The following MREG variants were observed in gnomAD, a reference collection of about 807,000 sequenced individuals.
MREG encodes melanoregulin, also known as dilute suppressor protein homolog.
A neutral mutation model predicts 28.5 loss-of-function variants in MREG; 31 were observed. The ratio of observed to expected loss-of-function variants is 1.09; its 90% CI spans 0.82 to 1.47. The LOEUF is 1.47. Among genes scored for constraint, MREG ranks in the 40% most tolerant of loss-of-function variants. The pLI, the probability that MREG is intolerant of heterozygous loss-of-function variation, is 0.00. For missense variants in MREG, 256 were observed against 257.4 expected, an observed-to-expected ratio of 0.99 and a Z score of 0.04; for synonymous variants, 106 against 95.2, an observed-to-expected ratio of 1.11 and a Z score of -0.66.
chr2:216,020,865 C>G (rs987115891), intron 1 of MREG, among the ~76,000 whole-genome samples: 2 of 152,190 alleles, frequency 1.3e-5, no homozygotes, highest in Admixed American at 1.3e-4. Context: ...ACGTCAGACT[C>G]CCACTGCGTC....
chr2:215,951,482 A>G (rs796657393), intron 2 of MREG, among the ~76,000 whole-genome samples: 1 of 152,242 alleles, frequency 6.6e-6, no homozygotes, highest in South Asian at 2.1e-4. Flanking sequence ...CTTATTTTCT[A>G]AAGTAATATT....
At chr2:216,016,057 A>C (rs1328982226), upstream of MREG, among the ~76,000 whole-genome samples, 1 of 152,246 alleles carries the variant, frequency 6.6e-6, no homozygotes, top group Admixed American at 6.5e-5. Context: ...AAAGGCTACG[A>C]AGGGATAAAG....
intron 1 of MREG, among the ~76,000 whole-genome samples, chr2:216,000,305 T>C (rs1297359750): frequency 6.6e-6 from 1 of 151,946 alleles, no homozygotes; most frequent in Admixed American, 6.5e-5. Flanking sequence ...GCCACTGTTA[T>C]ATAACTCAAC....
intron 2 of MREG, among the ~76,000 whole-genome samples, chr2:215,979,372 A>G (rs12612099): frequency 0.11 from 16,945 of 151,690 alleles, 1,263 homozygotes; most frequent in East Asian, 0.39. Context: ...CTGAGGCAGA[A>G]GAATCACTTG....
chr2:215,956,483 C>A (rs539342224), intron 2 of MREG, among the ~76,000 whole-genome samples: 1 of 152,128 alleles, frequency 6.6e-6, no homozygotes, highest in African/African-American at 2.4e-5. Context: ...ATCAAAAGAG[C>A]CTGTAGAAAT....
At chr2:216,031,204 C>T (rs1037527985) in intron 1 of MREG, among the ~76,000 whole-genome samples, 8 of 151,842 alleles carry the variant, frequency 5.3e-5, no homozygotes, top group African/African-American at 1.2e-4. Flanking sequence ...GTCAGGAGTT[C>T]GAGACCAGCC....
At chr2:215,980,508 A>G (rs555208093) in intron 2 of MREG, among the ~76,000 whole-genome samples, 68 of 152,342 alleles carry the variant, frequency 4.5e-4, no homozygotes, top group African/African-American at 1.6e-3. Context: ...CCAGGTTTAC[A>G]TCCCTCAGGA....
chr2:216,029,998 C>T (rs1325078157), intron 1 of MREG, among the ~76,000 whole-genome samples: 3 of 152,166 alleles, frequency 2.0e-5, no homozygotes, highest in Non-Finnish European at 4.4e-5. Flanking sequence ...CATGGTGGAC[C>T]AGTCTCCCAC....
intron 2 of MREG, among the ~76,000 whole-genome samples, chr2:215,984,679 A>T (rs2106004494): frequency 6.6e-6 from 1 of 152,276 alleles, no homozygotes; most frequent in Middle Eastern, 3.4e-3. Flanking sequence ...AACAGAGTAG[A>T]ATGAAATATT....
At chr2:216,019,801 A>G (rs1694496000) in intron 1 of MREG, among the ~76,000 whole-genome samples, 1 of 152,032 alleles carries the variant, frequency 6.6e-6, no homozygotes, top group South Asian at 2.1e-4. Context: ...CACCGCTTCC[A>G]GCCTCAAACT....
At chr2:216,010,863 G>A (rs967338301) in intron 1 of MREG, among the ~76,000 whole-genome samples, 13 of 151,492 alleles carry the variant, frequency 8.6e-5, no homozygotes, top group Non-Finnish European at 1.5e-4. Flanking sequence ...TGGGGAGACC[G>A]AGGCAGGCAG....
At chr2:216,032,845 C>T (rs567257471) in exon 1 of MREG, 12 of 152,276 alleles carry the variant, frequency 7.9e-5, no homozygotes, top group African/African-American at 2.4e-4. Flanking sequence ...CAATAGATGC[C>T]TTCTTTGCTG....
chr2:215,963,963 T>A (rs1260303769), intron 2 of MREG, among the ~76,000 whole-genome samples: 1 of 152,212 alleles, frequency 6.6e-6, no homozygotes, highest in Non-Finnish European at 1.5e-5. Flanking sequence ...GAAATAATAG[T>A]GCCTTTCAGT....
intron 2 of MREG, among the ~76,000 whole-genome samples, chr2:215,968,359 G>A (rs746617319): frequency 3.9e-5 from 6 of 152,156 alleles, no homozygotes; most frequent in Non-Finnish European, 8.8e-5. Context: ...GCTTCGGCAG[G>A]ATAGTGATTT....
chr2:215,946,417 T>C (rs1692320595), intron 3 of MREG, among the ~76,000 whole-genome samples: 1 of 150,290 alleles, frequency 6.7e-6, no homozygotes, highest in African/African-American at 2.5e-5. Flanking sequence ...GATCAAGGAC[T>C]TCAGAACTGA....
rs374358400 is a variant in MREG, at chr2:215,945,319, G to A, written c.510+252C>T. ...AATAGACTACACAGTAGAATTCACT[G>A]AAAAATACAAACTCTTGAGCTGGAA... On this transcript the variant is annotated intron_variant, in intron 4 of 4. Coordinates refer to ENST00000263268, the MANE Select transcript of MREG (RefSeq NM_018000.3). Among the ~76,000 whole-genome samples the A allele has an allele frequency of 3.3e-5, 5 of 152,130 alleles. No individual in the cohort carries two copies. In the East Asian group the frequency reaches 7.7e-4, roughly 23 times the overall value.
intron 2 of MREG, among the ~76,000 whole-genome samples, chr2:215,949,377 C>T (rs534085625): frequency 7.8e-4 from 118 of 151,226 alleles, no homozygotes; most frequent in African/African-American, 2.4e-3. Context: ...CTAGTCACTA[C>T]GGTGAAACCC....
chr2:215,984,279 CACA>C (rs1693505807), intron 2 of MREG, among the ~76,000 whole-genome samples: 1 of 152,046 alleles, frequency 6.6e-6, no homozygotes, highest in Admixed American at 6.6e-5. Context: ...ATGTCCATCC[CACA>C]ACATGTGGGA....
rs1054159987 is a variant in MREG at position 215,942,668 on chromosome 2, G to C, written c.*2195C>G. 13 of 152,716 alleles carry C rather than the reference G, an allele frequency of 8.5e-5. No individual in the cohort carries two copies. The highest frequency in any genetic ancestry group is 3.1e-4 in the African/African-American group (13 of 41,544). The allele number at this position is 152,716 out of a possible 1,614,324, so 9.5% of individuals were successfully genotyped here. On this transcript the variant is annotated 3_prime_UTR_variant, in exon 5 of 5. Transcript: ENST00000263268. ...ATGTATTTTAATAATCACAGAGATAGTCCTATCCTTATTCATTATCAAAAA... is the reference window on the plus strand; with the variant it reads ...ATGTATTTTAATAATCACAGAGATACTCCTATCCTTATTCATTATCAAAAA...
Sources: allele counts gnomAD v4.1 joint callset (sites outside exome capture counted in the v4.1 genomes callset), GRCh38; gene constraint gnomAD v4.1.1; transcripts MANE v1.5; gene names NCBI Gene and HGNC (gene_info 2026-07-23, HGNC 2026-07-21).